Variants in FAM151A observed in about 807,000 individuals in gnomAD.
FAM151A encodes protein FAM151A.
A neutral mutation model predicts 40.4 loss-of-function variants in FAM151A; 41 were observed. That is an observed-to-expected ratio of 1.01 (90% CI 0.79 to 1.32). FAM151A has a LOEUF of 1.32. FAM151A is among the 40% of genes most tolerant of loss of function. The probability of loss-of-function intolerance (pLI) is 0.00; values close to 1 mark genes in which losing one functional copy is unlikely to be tolerated. For synonymous variants in FAM151A, 337 were observed against 312.5 expected, an observed-to-expected ratio of 1.08 and a Z score of -0.83; for missense variants, 740 against 740.4, an observed-to-expected ratio of 1.00 and a Z score of 0.01.
chr1:54,614,352 C>T (rs1017785481), intron 4 of FAM151A, among the ~76,000 whole-genome samples: 2 of 152,142 alleles, frequency 1.3e-5, no homozygotes, highest in Admixed American at 1.3e-4. Flanking sequence ...GTCTGCCCTC[C>T]AGGAGTTCAA....
In FAM151A at chr1:54,609,707, G is replaced by A. The variant is rs1344811980; in HGVS notation, c.1319C>T (p.Pro440Leu). 1 of 1,614,100 alleles carries A rather than the reference G, an allele frequency of 6.2e-7. No homozygotes were observed. Among genetic ancestry groups the A allele is most frequent in the South Asian group, 1.1e-5 (1 of 91,088 alleles). Residue 440 changes from proline to leucine, a missense_variant, in exon 8 of 8, where the codon CCT becomes CTT. By Grantham distance (98) the Pro-to-Leu change is moderately conservative. Transcript: ENST00000302250. ...GGAGATTTTGGCCCCAACCCACACA[G>A]GCCAATGCAAGAGGCCAAGGCTGGA... ...RLSSLGLLHW[P>L]VWVGAKISHG...
intron 3 of FAM151A, 82 bp from the exon 4 acceptor site, chr1:54,614,941 T>TGTGTGG: frequency 2.0e-6 from 1 of 498,836 alleles, no homozygotes; most frequent in Non-Finnish European, 2.8e-6. Flanking sequence ...GCAGAGCGGG[T>TGTGTGG]GTGTGTGTGT....
rs767136119 is a variant in FAM151A, at chr1:54,609,408, C to G, written c.1618G>C (p.Glu540Gln). Residue 540 changes from glutamate (E) to glutamine (Q), a missense_variant, in exon 8 of 8, where the codon GAG becomes CAG. Coordinates refer to ENST00000302250, the MANE Select transcript of FAM151A (RefSeq NM_176782.3). ...ASSPRATVTV[E>Q]HNPAGGDYAS... ...TAGTCGCCCCCAGCTGGGTTGTGCTCCACTGTGACGGTGGCCCGGGGGGAG... is the reference window on the plus strand; with the variant it reads ...TAGTCGCCCCCAGCTGGGTTGTGCTGCACTGTGACGGTGGCCCGGGGGGAG... 2 of 1,614,028 alleles carry G rather than the reference C, an allele frequency of 1.2e-6. No individual in the cohort carries two copies. The highest frequency in any genetic ancestry group is 2.2e-5 in the East Asian group (1 of 44,880).
chr1:54,615,953 T>A (rs1446072465), intron 3 of FAM151A, 67 bp downstream of exon 3: 2 of 1,541,468 alleles, frequency 1.3e-6, no homozygotes, highest in East Asian at 4.6e-5. Flanking sequence ...CAGTGAGGGA[T>A]CTCTGCACAT....
chr1:54,619,603 G>C (rs561090516), intron 2 of FAM151A, among the ~76,000 whole-genome samples: 1 of 152,190 alleles, frequency 6.6e-6, no homozygotes, highest in Non-Finnish European at 1.5e-5. Context: ...CTGACAGGTC[G>C]AGGAAGGGGT....
chr1:54,610,239 T>C lies in FAM151A; in HGVS notation c.1084+173A>G, dbSNP rs552089179. 106 of 1,446,182 alleles carry C rather than the reference T, an allele frequency of 7.3e-5. No homozygotes were observed. The African/African-American group carries it at 1.0e-3, about 14-fold the overall frequency. The allele number at this position is 1,446,182 out of a possible 1,614,324, so 89.6% of individuals were successfully genotyped here. A position where few individuals can be genotyped will look rare whatever the true frequency, so the allele number is the denominator to read the frequency against. ...TCTGAAGGCCAGGAGCCCTGTGCTCTTGACATCACTGTACTCCCTCTCCCT... is the reference window on the plus strand; with the variant it reads ...TCTGAAGGCCAGGAGCCCTGTGCTCCTGACATCACTGTACTCCCTCTCCCT... On this transcript the variant is annotated intron_variant, in intron 7 of 7. Coordinates refer to ENST00000302250, the MANE Select transcript of FAM151A (RefSeq NM_176782.3).
In FAM151A at chr1:54,609,952, C is replaced by T. The variant is rs369218528; in HGVS notation, c.1085-11G>A. The T allele has an allele frequency of 1.3e-5, 20 of 1,596,722 alleles. No individual in the cohort carries two copies. Among genetic ancestry groups the T allele is most frequent in the South Asian group, 7.7e-5 (7 of 90,324 alleles). ...TCATGCCTTCTGTGTCTGGAAGAGG[C>T]GGCAGAGGCAACAGTGTTTAGGATT... On this transcript the variant is annotated splice_polypyrimidine_tract_variant and intron_variant, in intron 7 of 7. Transcript: ENST00000302250.
At chr1:54,614,333 C>A (rs1487473415) in intron 4 of FAM151A, among the ~76,000 whole-genome samples, 2 of 152,148 alleles carry the variant, frequency 1.3e-5, no homozygotes, top group East Asian at 3.9e-4. Context: ...CAAGGGGGCA[C>A]TTGGCCCTGT....
Position 54,623,484 on chromosome 1 carries a change from C to T in FAM151A, c.-89G>A, listed in dbSNP as rs1185979632. ...GCTGGAATCCTGTGGGAGGCAGGAG[C>T]TCCCAGCAGCACCTAATTCTCCACC... On this transcript the variant is annotated 5_prime_UTR_variant, in exon 1 of 8. Transcript: ENST00000302250. 4 of 924,222 alleles carry T rather than the reference C, an allele frequency of 4.3e-6. No homozygotes were observed. Among genetic ancestry groups the T allele is most frequent in the African/African-American group, 1.6e-5 (1 of 61,632 alleles). The allele number at this position is 924,222 out of a possible 1,614,324, so 57.3% of individuals were successfully genotyped here.
At chr1:54,610,758 G>C (rs1644109237) in intron 6 of FAM151A, 1 of 983,838 alleles carries the variant, frequency 1.0e-6, no homozygotes, top group Non-Finnish European at 1.2e-6. Flanking sequence ...AAAGTTGCCA[G>C]GAGTGGAACC....
At chr1:54,619,056 C>T (rs1644202831) in intron 2 of FAM151A, among the ~76,000 whole-genome samples, 1 of 152,136 alleles carries the variant, frequency 6.6e-6, no homozygotes, top group Admixed American at 6.6e-5. Context: ...CCCTCAGACC[C>T]CAGTTTCCTT....
chr1:54,618,278 C>A (rs963845393), intron 2 of FAM151A, among the ~76,000 whole-genome samples: 1 of 152,092 alleles, frequency 6.6e-6, no homozygotes, highest in Non-Finnish European at 1.5e-5. Flanking sequence ...CCGAGAAGGG[C>A]GGATCACTTG....
In FAM151A at chr1:54,609,896, A is replaced by G. The variant is rs763437918; in HGVS notation, c.1130T>C (p.Val377Ala). 2.2e-5 allele frequency: 35 copies of G among 1,611,870 alleles called. No homozygotes were observed. Among genetic ancestry groups the G allele is most frequent in the Non-Finnish European group, 2.8e-5 (33 of 1,179,936 alleles). The part of the protein sequence containing the change: ...ILLNTGLEGT[V>A]AENPVPIVHT... ...AACAATGGGCACGGGGTTTTCAGCCACAGTTCCCTCGAGGCCAGTGTTCAG... is the reference window on the plus strand; with the variant it reads ...AACAATGGGCACGGGGTTTTCAGCCGCAGTTCCCTCGAGGCCAGTGTTCAG... The change falls in exon 8 of 8, where the codon GTG (valine) becomes GCG (alanine). Residue 377 changes from valine to alanine, a missense_variant. Physicochemically the swap from Val to Ala is moderately conservative, Grantham distance 64. Coordinates refer to ENST00000302250, the MANE Select transcript of FAM151A (RefSeq NM_176782.3).
chr1:54,609,401 T>G lies in FAM151A; in HGVS notation c.1625A>C (p.Asn542Thr), dbSNP rs761473627. Residue 542 changes from asparagine (N) to threonine (T), a missense_variant, in exon 8 of 8, where the codon AAC becomes ACC. Physicochemically the swap from Asn to Thr is moderately conservative, Grantham distance 65 (BLOSUM62 0). Transcript: ENST00000302250. ...AGAGGCATAGTCGCCCCCAGCTGGG[T>G]TGTGCTCCACTGTGACGGTGGCCCG... Reference protein sequence around the residue: ...SPRATVTVEHNPAGGDYASVR... With the variant: ...SPRATVTVEHTPAGGDYASVR... The G allele has an allele frequency of 6.2e-7, 1 of 1,614,016 alleles. No homozygotes were observed. Among genetic ancestry groups the G allele is most frequent in the Non-Finnish European group, 8.5e-7 (1 of 1,180,004 alleles).
In FAM151A at chr1:54,623,458, A is replaced by G; in HGVS notation, c.-63T>C. The stretch of plus-strand genomic sequence containing the variant: ...GCCCAGAGTCCCTGAGGCTCCCTGC[A>G]GCTGGAATCCTGTGGGAGGCAGGAG... On this transcript the variant is annotated 5_prime_UTR_variant, in exon 1 of 8. Transcript: ENST00000302250. 3.9e-6 allele frequency: 5 copies of G among 1,284,414 alleles called. No individual in the cohort carries two copies. The highest frequency in any genetic ancestry group is 5.6e-6 in the Non-Finnish European group (5 of 890,022). The allele number at this position is 1,284,414 out of a possible 1,614,324, so 79.6% of individuals were successfully genotyped here. A position where few individuals can be genotyped will look rare whatever the true frequency, so the allele number is the denominator to read the frequency against.
chr1:54,611,682 G>A lies in FAM151A; in HGVS notation c.864C>T (p.Val288=), dbSNP rs1644120280. The A allele has an allele frequency of 6.2e-7, 1 of 1,613,970 alleles. No individual in the cohort carries two copies. The highest frequency in any genetic ancestry group is 1.3e-5 in the African/African-American group (1 of 74,912). Residue 288 remains valine (V), a synonymous_variant, in exon 6 of 8, where the codon GTC becomes GTT. Coordinates refer to ENST00000302250, the MANE Select transcript of FAM151A (RefSeq NM_176782.3). ...DPMSVEDLLY[V]RDNTAVHQVY... Reference sequence around the variant, plus strand: ...CTTGGTGGACAGCAGTGTTATCCCGGACGTAGAGCAGATCTTCCACCGACA... The same window carrying A: ...CTTGGTGGACAGCAGTGTTATCCCGAACGTAGAGCAGATCTTCCACCGACA...
rs541649434 is a variant in FAM151A, at chr1:54,609,894, C to T, written c.1132G>A (p.Ala378Thr). ...LLNTGLEGTV[A>T]ENPVPIVHTP... ...TGAACAATGGGCACGGGGTTTTCAG[C>T]CACAGTTCCCTCGAGGCCAGTGTTC... The change falls in exon 8 of 8, where the codon GCT (alanine) becomes ACT (threonine). Residue 378 changes from alanine to threonine, a missense_variant. Physicochemically the swap from Ala to Thr is moderately conservative, Grantham distance 58. Transcript: ENST00000302250. 7 of 1,612,102 alleles carry T rather than the reference C, an allele frequency of 4.3e-6. No individual in the cohort carries two copies. The highest frequency in any genetic ancestry group is 2.2e-5 in the South Asian group (2 of 91,080).
At chr1:54,610,149 T>C in intron 7 of FAM151A, 1 of 1,432,872 alleles carries the variant, frequency 7.0e-7, no homozygotes. Flanking sequence ...GCTCTTGGCC[T>C]TTACCCATGA....
Position 54,611,679 on chromosome 1 carries a change from C to G in FAM151A, c.867G>C (p.Arg289=), listed in dbSNP as rs777943902. The G allele has an allele frequency of 2.4e-5, 39 of 1,613,952 alleles. No individual in the cohort carries two copies. The highest frequency in any genetic ancestry group is 5.5e-5 in the South Asian group (5 of 91,082). Residue 289 remains arginine (R), a synonymous_variant, in exon 6 of 8, where the codon CGG becomes CGC. Coordinates refer to ENST00000302250, the MANE Select transcript of FAM151A (RefSeq NM_176782.3). The stretch of plus-strand genomic sequence containing the variant: ...AGACTTGGTGGACAGCAGTGTTATC[C>G]CGGACGTAGAGCAGATCTTCCACCG... ...PMSVEDLLYV[R]DNTAVHQVYY...
Sources: allele counts gnomAD v4.1 joint callset (sites outside exome capture counted in the v4.1 genomes callset), GRCh38; gene constraint gnomAD v4.1.1; transcripts MANE v1.5; gene names NCBI Gene and HGNC (gene_info 2026-07-23, HGNC 2026-07-21).